Variants in DCAKD observed in about 807,000 individuals in gnomAD.
The protein encoded by DCAKD is dephospho-CoA kinase domain containing, also known as dephospho-CoA kinase domain-containing protein.
A neutral mutation model predicts 18.7 loss-of-function variants in DCAKD; 15 were observed. The observed-to-expected ratio is 0.80, with a 90% CI of 0.54 to 1.24. The LOEUF is 1.24. Ranked by LOEUF, DCAKD falls within the 50% of genes most tolerant of loss-of-function variation. The pLI, the probability that DCAKD is intolerant of heterozygous loss-of-function variation, is 0.00. For missense variants in DCAKD, 301 were observed against 322.0 expected, an observed-to-expected ratio of 0.93 and a Z score of 0.50; for synonymous variants, 130 against 133.0, an observed-to-expected ratio of 0.98 and a Z score of 0.16.
intron 1 of DCAKD, among the ~76,000 whole-genome samples, chr17:45,048,344 TA>T (rs1429490562): frequency 6.6e-6 from 1 of 151,690 alleles, no homozygotes; most frequent in Non-Finnish European, 1.5e-5. Context: ...CCATCTCTAC[TA>T]ATAATACAAA....
chr17:45,054,204 G>T (rs1000027557), upstream of DCAKD: 4 of 508,824 alleles, frequency 7.9e-6, no homozygotes, highest in East Asian at 1.1e-4. Flanking sequence ...ATGTATACAT[G>T]TACATGTCCC....
chr17:45,060,292 G>T (rs111932723), intron 1 of DCAKD, among the ~76,000 whole-genome samples: 1 of 152,036 alleles, frequency 6.6e-6, no homozygotes, highest in East Asian at 1.9e-4. Flanking sequence ...GCGGGGTTGG[G>T]GTAGGAAGAT....
At chr17:45,053,626 GGCCGGGC>G (rs1274511052), upstream of DCAKD, among the ~76,000 whole-genome samples, 2 of 152,282 alleles carry the variant, frequency 1.3e-5, no homozygotes, top group African/African-American at 4.8e-5. Flanking sequence ...TCACCACGTT[GGCCGGGC>G]TGGTCTGGAA....
chr17:45,041,550 T>C (rs1459581536), intron 1 of DCAKD, among the ~76,000 whole-genome samples: 1 of 151,842 alleles, frequency 6.6e-6, no homozygotes, highest in Non-Finnish European at 1.5e-5. Context: ...GACCTCGTGA[T>C]CTGCCTGCCT....
intron 3 of DCAKD, chr17:45,031,173 C>G (rs2053164540): frequency 1.0e-6 from 1 of 985,300 alleles, no homozygotes; most frequent in Non-Finnish European, 1.2e-6. Context: ...AGACACACAT[C>G]ACACCAATTC....
At chr17:45,035,487 A>C (rs1221277168) in intron 1 of DCAKD, among the ~76,000 whole-genome samples, 1 of 151,092 alleles carries the variant, frequency 6.6e-6, no homozygotes, top group African/African-American at 2.4e-5. Context: ...TTCTAAAAAA[A>C]AAAAAAAAAA....
At chr17:45,042,820 G>C (rs1394788804) in intron 1 of DCAKD, among the ~76,000 whole-genome samples, 1 of 152,202 alleles carries the variant, frequency 6.6e-6, no homozygotes, top group African/African-American at 2.4e-5. Context: ...CAGTTACCTG[G>C]AGAGAGCCAC....
In DCAKD at chr17:45,024,316, TGTGTGTGTGTGTGTGTGTGTGTGG is replaced by T. The variant is rs879148913; in HGVS notation, c.*93_*116del. The T allele has an allele frequency of 0.19, 129,928 of 688,030 alleles. 14,386 individuals are homozygous for T. The highest frequency in any genetic ancestry group is 0.22 in the Non-Finnish European group (97,753 of 449,486). The allele number at this position is 688,030 out of a possible 1,614,324, so 42.6% of individuals were successfully genotyped here. A position where few individuals can be genotyped will look rare whatever the true frequency, so the allele number is the denominator to read the frequency against. ...GTGTGTGTGTGTGTGTGTGTGTGTG[TGTGTGTGTGTGTGTGTGTGTGTGG>T]GGAGGGGGCTGAGAGGAAACAGGAT... On this transcript the variant is annotated 3_prime_UTR_variant, in exon 5 of 5. Coordinates refer to ENST00000651974, the MANE Select transcript of DCAKD (RefSeq NM_001288655.2).
chr17:45,039,408 G>A (rs1220083973), intron 1 of DCAKD, among the ~76,000 whole-genome samples: 2 of 152,306 alleles, frequency 1.3e-5, no homozygotes, highest in South Asian at 2.1e-4. Context: ...GCTAAACCTG[G>A]CTATAATCTG....
chr17:45,038,736 TGTCTGTGGAAACA>T (rs2053362159), intron 1 of DCAKD, among the ~76,000 whole-genome samples: 1 of 152,066 alleles, frequency 6.6e-6, no homozygotes, highest in Admixed American at 6.5e-5. Context: ...CTTGACCGAG[TGTCTGTGGAAACA>T]GACCAACAGC....
intron 1 of DCAKD, among the ~76,000 whole-genome samples, chr17:45,060,224 A>T (rs980752918): frequency 6.6e-6 from 1 of 152,148 alleles, no homozygotes; most frequent in Non-Finnish European, 1.5e-5. Flanking sequence ...GGCACTTATT[A>T]AAGAAAGAGT....
chr17:45,028,352 C>T (rs1181972492), intron 4 of DCAKD, among the ~76,000 whole-genome samples: 3 of 151,438 alleles, frequency 2.0e-5, no homozygotes, highest in South Asian at 2.1e-4. Context: ...CCTCATGATC[C>T]GCCCACCTCG....
intron 1 of DCAKD, among the ~76,000 whole-genome samples, chr17:45,057,742 G>T (rs1366064474): frequency 4.0e-5 from 6 of 150,746 alleles, no homozygotes; most frequent in African/African-American, 4.9e-5. Context: ...CAGGTGCAGT[G>T]TCTCACACCT....
At chr17:45,055,250 A>G (rs1170870060), upstream of DCAKD, among the ~76,000 whole-genome samples, 1 of 152,200 alleles carries the variant, frequency 6.6e-6, no homozygotes, top group Non-Finnish European at 1.5e-5. Context: ...TGTCCTTAGC[A>G]TTTAGCATGA....
At chr17:45,024,945 C>T (rs891237437) in intron 4 of DCAKD, among the ~76,000 whole-genome samples, 9 of 151,946 alleles carry the variant, frequency 5.9e-5, no homozygotes, top group Non-Finnish European at 1.3e-4. Flanking sequence ...CTGTGAGGAA[C>T]CCAGAGCTCT....
At chr17:45,041,985 A>G (rs972213629) in intron 1 of DCAKD, among the ~76,000 whole-genome samples, 2 of 151,836 alleles carry the variant, frequency 1.3e-5, no homozygotes, top group African/African-American at 2.4e-5. Flanking sequence ...GCATGATGGC[A>G]TATGTCTGTA....
At chr17:45,025,376 G>C (rs1379052835) in intron 4 of DCAKD, among the ~76,000 whole-genome samples, 1 of 152,138 alleles carries the variant, frequency 6.6e-6, no homozygotes, top group East Asian at 1.9e-4. Context: ...GAGGATCAAG[G>C]ACATGAGAAT....
intron 3 of DCAKD, chr17:45,031,950 TATC>T (rs2053178569): frequency 1.0e-6 from 1 of 985,454 alleles, no homozygotes; most frequent in African/African-American, 1.7e-5. Context: ...TTTTTCACCT[TATC>T]GAGCTCAAAA....
At chr17:45,053,940 T>G (rs1205500706), upstream of DCAKD, among the ~76,000 whole-genome samples, 1 of 152,174 alleles carries the variant, frequency 6.6e-6, no homozygotes, top group Non-Finnish European at 1.5e-5. Context: ...CTACTTCCTT[T>G]AAGGTAGGAA....
Sources: gnomAD v4.1 joint callset for allele counts (sites outside exome capture counted in the v4.1 genomes callset) on GRCh38, gnomAD v4.1.1 for gene constraint, MANE v1.5 for transcripts, NCBI Gene and HGNC (gene_info 2026-07-23, HGNC 2026-07-21) for gene names.